The following ALK variants were observed in gnomAD, a reference collection of about 807,000 sequenced individuals.
The protein encoded by ALK is ALK receptor tyrosine kinase.
A neutral mutation model predicts 163.1 loss-of-function variants in ALK; 74 were observed. The ratio of observed to expected loss-of-function variants is 0.45; its 90% CI spans 0.38 to 0.55. The LOEUF (loss-of-function observed/expected upper bound fraction) is 0.55. Among genes scored for constraint, ALK ranks in the 20% least tolerant of loss-of-function variants. The pLI is 0.00. For missense variants in ALK, 2,063 were observed against 2,105.3 expected (o/e 0.98, Z 0.39); for synonymous variants, 960 against 843.2 (o/e 1.14, Z -2.40).
chr2:29,597,764 G>A (rs987964830), intron 3 of ALK, among the ~76,000 whole-genome samples: 3 of 152,174 alleles, frequency 2.0e-5, no homozygotes, highest in East Asian at 1.9e-4. Flanking sequence ...CTCCTGGAGC[G>A]TTCTCTCCTC....
intron 1 of ALK, among the ~76,000 whole-genome samples, chr2:29,855,808 C>T (rs371833783): frequency 2.8e-4 from 42 of 152,192 alleles, no homozygotes; most frequent in Middle Eastern, 3.2e-3. Flanking sequence ...AAACCAGCCA[C>T]GTGTAGTCTT....
intron 1 of ALK, among the ~76,000 whole-genome samples, chr2:29,856,672 G>A (rs1558520570): frequency 1.3e-5 from 2 of 152,140 alleles, no homozygotes; most frequent in South Asian, 2.1e-4. Flanking sequence ...GTCTGCCTAC[G>A]ATGTGCACAA....
At chr2:29,875,062 T>TA (rs1666669371) in intron 1 of ALK, among the ~76,000 whole-genome samples, 1 of 152,202 alleles carries the variant, frequency 6.6e-6, no homozygotes, top group South Asian at 2.1e-4. Flanking sequence ...CAGATACCTA[T>TA]AAACCAATGT....
intron 4 of ALK, among the ~76,000 whole-genome samples, chr2:29,501,863 T>A (rs1672197015): frequency 6.6e-6 from 1 of 152,184 alleles, no homozygotes; most frequent in East Asian, 1.9e-4. Context: ...TCCCTCCTAC[T>A]CCCAGCCCTG....
intron 2 of ALK, among the ~76,000 whole-genome samples, chr2:29,707,042 GTC>G (rs1678932437): frequency 6.8e-6 from 1 of 146,930 alleles, no homozygotes. Context: ...GGGTAAGGAA[GTC>G]TCTAACAGAA....
chr2:29,511,266 A>T (rs185916365), intron 4 of ALK, among the ~76,000 whole-genome samples: 9 of 152,112 alleles, frequency 5.9e-5, no homozygotes, highest in Admixed American at 5.9e-4. Flanking sequence ...CCTTCCAAAA[A>T]GTTATCTTGT....
rs542847420 is a variant in ALK at position 29,258,391 on chromosome 2, A to G, written c.2042-7124T>C. Among the ~76,000 whole-genome samples the G allele has an allele frequency of 8.9e-4, 136 of 152,360 alleles. 2 individuals carry two copies. Among genetic ancestry groups the G allele is most frequent in the African/African-American group, 3.0e-3 (126 of 41,592 alleles). ...GAACCATTTATTTATTGCAAGTTGC[A>G]AAATAATGTTATTCTACTTATTTAC... On this transcript the variant is annotated intron_variant, in intron 11 of 28. Transcript: ENST00000389048.
intron 5 of ALK, among the ~76,000 whole-genome samples, chr2:29,330,494 C>T (rs1453705732): frequency 6.6e-6 from 1 of 152,166 alleles, no homozygotes. Flanking sequence ...TTGGCGTTCA[C>T]CCCAGGCCTA....
intron 2 of ALK, among the ~76,000 whole-genome samples, chr2:29,714,983 G>A (rs1192696609): frequency 3.3e-5 from 5 of 152,118 alleles, no homozygotes; most frequent in Non-Finnish European, 5.9e-5. Context: ...TCAGCCCACC[G>A]GGGACACTAT....
chr2:29,277,090 A>G (rs4666188), intron 9 of ALK, among the ~76,000 whole-genome samples: 121,919 of 152,226 alleles, frequency 0.8, 50,897 homozygotes, highest in Non-Finnish European at 0.91. Context: ...GCAGAAAACC[A>G]GAGCAGGGTG....
intron 4 of ALK, among the ~76,000 whole-genome samples, chr2:29,391,459 C>A (rs1669170355): frequency 6.6e-6 from 1 of 152,078 alleles, no homozygotes; most frequent in African/African-American, 2.4e-5. Context: ...CGCCATCATG[C>A]CCAGCTAATT....
At chr2:29,778,488 C>A (rs187333424) in intron 1 of ALK, among the ~76,000 whole-genome samples, 3 of 152,254 alleles carry the variant, frequency 2.0e-5, no homozygotes, top group African/African-American at 7.2e-5. Flanking sequence ...CTAGATGGTT[C>A]AGGTTGGCCG....
chr2:29,342,732 T>A (rs780111349), intron 5 of ALK, among the ~76,000 whole-genome samples: 34 of 152,286 alleles, frequency 2.2e-4, no homozygotes, highest in South Asian at 4.1e-4. Flanking sequence ...GTTCAGGCTC[T>A]TCTCTTTCTT....
chr2:29,817,472 T>G (rs1034961664), intron 1 of ALK, among the ~76,000 whole-genome samples: 1 of 152,194 alleles, frequency 6.6e-6, no homozygotes, highest in Non-Finnish European at 1.5e-5. Context: ...CTTCTGCCAC[T>G]TGTCTGTCCA....
chr2:29,832,061 C>T (rs920297381), intron 1 of ALK, among the ~76,000 whole-genome samples: 3 of 152,138 alleles, frequency 2.0e-5, no homozygotes, highest in Non-Finnish European at 4.4e-5. Flanking sequence ...GAGTCTTCAC[C>T]ATGACACTGG....
chr2:29,223,922 G>A, intron 19 of ALK: 1 of 367,978 alleles, frequency 2.7e-6, no homozygotes, highest in Non-Finnish European at 5.0e-6. Context: ...AGACTGTGTT[G>A]CAAGTATAAC....
In ALK at chr2:29,246,309, C is replaced by G. The variant is rs974522866; in HGVS notation, c.2204+4796G>C. Among the ~76,000 whole-genome samples the G allele has an allele frequency of 6.6e-6, 1 of 152,098 alleles. No homozygotes were observed. Among genetic ancestry groups the G allele is most frequent in the Non-Finnish European group, 1.5e-5 (1 of 67,996 alleles). ...GCGCCTCTGCCTGTGGCAGGCCACC[C>G]GTGGGCTCTCACTGAGTCCCCCAAC... is the stretch of plus-strand genomic sequence containing the variant. On this transcript the variant is annotated intron_variant, in intron 12 of 28. Transcript: ENST00000389048. This position sits in a 1 kb window ranked among gnomAD's most constrained non-coding sequence, Gnocchi z 4.3.
chr2:29,672,736 C>A (rs1016242623), intron 3 of ALK, among the ~76,000 whole-genome samples: 3 of 151,904 alleles, frequency 2.0e-5, no homozygotes, highest in African/African-American at 4.8e-5. Flanking sequence ...CTTCTAGATC[C>A]CTGAGGAATC....
chr2:29,559,344 GAGT>G (rs770707102), intron 3 of ALK, among the ~76,000 whole-genome samples: 121 of 152,354 alleles, frequency 7.9e-4, no homozygotes, highest in African/African-American at 2.6e-3. Context: ...CTTGGGATCT[GAGT>G]AGGACTGATT....
Sources: gnomAD v4.1 joint callset for allele counts (sites outside exome capture counted in the v4.1 genomes callset) on GRCh38, gnomAD v4.1.1 for gene constraint, Gnocchi (gnomAD v3.1) non-coding constraint, MANE v1.5 for transcripts, NCBI Gene and HGNC (gene_info 2026-07-23, HGNC 2026-07-21) for gene names.